The following PRIM2 variants were observed in gnomAD, a reference collection of about 807,000 sequenced individuals.
PRIM2 encodes the protein DNA primase large subunit.
In PRIM2, 39 loss-of-function variants were observed where a neutral mutation model predicts 67.3. That is an observed-to-expected ratio of 0.58 (90% CI 0.45 to 0.76). The LOEUF is 0.76. PRIM2 is among the 30% of genes least tolerant of loss of function. The pLI, the probability that PRIM2 is intolerant of heterozygous loss-of-function variation, is 0.00. For missense variants in PRIM2, 398 were observed against 598.7 expected (o/e 0.66, Z 3.50); for synonymous variants, 143 against 198.7 (o/e 0.72, Z 2.36).
chr6:57,292,483 T>C, the PRIM2 span, among the ~76,000 whole-genome samples: 1 of 152,114 alleles, frequency 6.6e-6, no homozygotes, highest in South Asian at 2.1e-4. Flanking sequence ...CTTCACAGAA[T>C]TGGAAAATAT....
intron 11 of PRIM2, among the ~76,000 whole-genome samples, chr6:57,602,060 A>AT (rs1192324407): frequency 0.5 from 71,866 of 143,520 alleles, 18,204 homozygotes; most frequent in East Asian, 0.65. Flanking sequence ...ATAAACATAG[A>AT]TTTTTTTTTT....
At chr6:57,548,519 G>T (rs1775333859) in intron 10 of PRIM2, among the ~76,000 whole-genome samples, 1 of 152,068 alleles carries the variant, frequency 6.6e-6, no homozygotes, top group Non-Finnish European at 1.5e-5. Context: ...GATGGAAAGA[G>T]AATTTAAAAC....
At chr6:57,494,496 T>A (rs1273582805) in intron 7 of PRIM2, among the ~76,000 whole-genome samples, 10 of 152,232 alleles carry the variant, frequency 6.6e-5, no homozygotes, top group African/African-American at 2.4e-4. Flanking sequence ...GAATTTTGCA[T>A]GTAATTTGAT....
At chr6:57,383,487 C>A (rs1770029426) in intron 7 of PRIM2, 2 of 150,898 alleles carry the variant, frequency 1.3e-5, no homozygotes, top group Non-Finnish European at 2.9e-5. Flanking sequence ...TTCCTTCTTA[C>A]CAAATTTTTA....
intron 7 of PRIM2, among the ~76,000 whole-genome samples, chr6:57,484,399 T>G (rs1773698319): frequency 6.6e-6 from 1 of 152,222 alleles, no homozygotes; most frequent in African/African-American, 2.4e-5. Flanking sequence ...GAGTATAGAA[T>G]AAGAAGGCAT....
chr6:57,423,178 A>G (rs1428867223), intron 7 of PRIM2, among the ~76,000 whole-genome samples: 1 of 152,142 alleles, frequency 6.6e-6, no homozygotes, highest in South Asian at 2.1e-4. Flanking sequence ...CATTAGTATT[A>G]TACCTTGGTG....
At chr6:57,250,703 G>T in the PRIM2 span, among the ~76,000 whole-genome samples, 8 of 152,264 alleles carry the variant, frequency 5.3e-5, no homozygotes, top group East Asian at 1.5e-3. Context: ...GGCTCAGTGG[G>T]TTCAAGATAC....
At chr6:57,450,795 T>C (rs1418084410) in intron 7 of PRIM2, among the ~76,000 whole-genome samples, 4 of 152,222 alleles carry the variant, frequency 2.6e-5, no homozygotes, top group African/African-American at 9.6e-5. Context: ...GAGTCCAGTA[T>C]TGTAGTAGGT....
chr6:57,331,668 T>C lies in PRIM2; in HGVS notation c.459+5623T>C, dbSNP rs117273338. Reference sequence around the variant, plus strand: ...GAATTTATTCACTTTATCTAAGTTATCTAATTGATTCATGCAGTTATTCAT... The same window carrying C: ...GAATTTATTCACTTTATCTAAGTTACCTAATTGATTCATGCAGTTATTCAT... On this transcript the variant is annotated intron_variant, in intron 5 of 13. Coordinates refer to ENST00000615550, the MANE Select transcript of PRIM2 (RefSeq NM_000947.5). Among the ~76,000 whole-genome samples the C allele has an allele frequency of 5.3e-5, 8 of 152,304 alleles. No individual in the cohort carries two copies. In the East Asian group the frequency reaches 1.5e-3, roughly 29 times the overall value.
chr6:57,605,843 C>T (rs1235515948), intron 11 of PRIM2, among the ~76,000 whole-genome samples: 1 of 152,090 alleles, frequency 6.6e-6, no homozygotes, highest in Non-Finnish European at 1.5e-5. Context: ...TTTTTCATCT[C>T]ATTTCCATCC....
At chr6:57,356,889 T>G (rs62415816) in intron 5 of PRIM2, among the ~76,000 whole-genome samples, 1 of 152,030 alleles carries the variant, frequency 6.6e-6, no homozygotes, top group African/African-American at 2.4e-5. Flanking sequence ...TTCATTGTCA[T>G]TATTCTAGCT....
chr6:57,359,203 G>T (rs1421386401), intron 5 of PRIM2, among the ~76,000 whole-genome samples: 1 of 152,196 alleles, frequency 6.6e-6, no homozygotes, highest in African/African-American at 2.4e-5. Context: ...TTAAGAAACT[G>T]GGGGCTTCCA....
the PRIM2 span, among the ~76,000 whole-genome samples, chr6:57,300,808 G>A: frequency 2.6e-5 from 4 of 151,952 alleles, no homozygotes; most frequent in Non-Finnish European, 5.9e-5. Context: ...GGATCAAGAA[G>A]TACCTTTATT....
intron 9 of PRIM2, among the ~76,000 whole-genome samples, chr6:57,534,542 T>G (rs1346877802): frequency 1.3e-5 from 2 of 152,202 alleles, no homozygotes; most frequent in East Asian, 3.8e-4. Flanking sequence ...CCACACCTCT[T>G]AAGTATCCCT....
intron 7 of PRIM2, among the ~76,000 whole-genome samples, chr6:57,489,536 G>A (rs1207687042): frequency 2.0e-5 from 3 of 151,850 alleles, no homozygotes; most frequent in African/African-American, 2.4e-5. Context: ...CAGCCTGGGC[G>A]ACAGAGTGAG....
intron 8 of PRIM2, among the ~76,000 whole-genome samples, chr6:57,521,207 A>C (rs1554348873): frequency 1.3e-5 from 2 of 152,116 alleles, no homozygotes; most frequent in Admixed American, 6.5e-5. Context: ...TTTCAATTTC[A>C]GTGGTGACAG....
chr6:57,456,913 G>T (rs1168460782), intron 7 of PRIM2, among the ~76,000 whole-genome samples: 23 of 152,086 alleles, frequency 1.5e-4, no homozygotes, highest in Non-Finnish European at 2.8e-4. Flanking sequence ...CCCCATCTTT[G>T]TGGTTTTATC....
chr6:57,332,770 G>T (rs919798403), intron 5 of PRIM2, among the ~76,000 whole-genome samples: 2 of 151,878 alleles, frequency 1.3e-5, no homozygotes, highest in African/African-American at 2.4e-5. Flanking sequence ...AATCTAAAGT[G>T]TGTTTGTTGT....
At chr6:57,375,975 G>A (rs1769749508) in intron 5 of PRIM2, among the ~76,000 whole-genome samples, 1 of 151,990 alleles carries the variant, frequency 6.6e-6, no homozygotes, top group South Asian at 2.1e-4. Flanking sequence ...GAGAGGGCAA[G>A]GGAGTAGGAT....
Sources: allele counts gnomAD v4.1 joint callset (sites outside exome capture counted in the v4.1 genomes callset), GRCh38; gene constraint gnomAD v4.1.1; transcripts MANE v1.5; gene names NCBI Gene and HGNC (gene_info 2026-07-23, HGNC 2026-07-21).